Variants in NTM observed in about 807,000 individuals in gnomAD.
NTM encodes neurotrimin.
Under a neutral mutation model 42.1 loss-of-function variants are expected in NTM, and 13 were observed. That is an observed-to-expected ratio of 0.31 (90% CI 0.20 to 0.49). The LOEUF is 0.49. Among genes scored for constraint, NTM ranks in the 20% least tolerant of loss-of-function variants. NTM has a pLI of 0.99. For missense variants in NTM, 373 were observed against 452.8 expected (o/e 0.82, Z 1.60); for synonymous variants, 187 against 179.2 (o/e 1.04, Z -0.35).
intron 2 of NTM, among the ~76,000 whole-genome samples, chr11:132,011,426 A>G (rs1043876725): frequency 1.3e-5 from 2 of 152,200 alleles, no homozygotes; most frequent in African/African-American, 4.8e-5. Flanking sequence ...AGCGGAGTCA[A>G]TAAAGTCAGT....
At chr11:131,586,460 T>C (rs1014323740) in intron 1 of NTM, among the ~76,000 whole-genome samples, 2 of 152,170 alleles carry the variant, frequency 1.3e-5, no homozygotes, top group South Asian at 4.1e-4. Flanking sequence ...CCAGCTGCCA[T>C]GTTGTGAGGA....
chr11:132,001,661 C>A (rs2069271773), intron 2 of NTM, among the ~76,000 whole-genome samples: 1 of 152,084 alleles, frequency 6.6e-6, no homozygotes, highest in Non-Finnish European at 1.5e-5. Flanking sequence ...GGATCTCCCC[C>A]CATTACCCAA....
chr11:131,373,592 C>T (rs1358525225), intron 1 of NTM, among the ~76,000 whole-genome samples: 3 of 151,906 alleles, frequency 2.0e-5, no homozygotes, highest in African/African-American at 7.3e-5. Context: ...GTGGAGGCAT[C>T]TCGTTGCCGG....
intron 4 of NTM, among the ~76,000 whole-genome samples, chr11:132,230,346 A>AT (rs1477955474): frequency 6.6e-6 from 1 of 152,232 alleles, no homozygotes; most frequent in Non-Finnish European, 1.5e-5. Context: ...TAATAATGTC[A>AT]TATTATTATC....
intron 2 of NTM, among the ~76,000 whole-genome samples, chr11:132,008,932 A>G (rs1248051976): frequency 2.6e-5 from 4 of 151,034 alleles, no homozygotes; most frequent in Admixed American, 1.3e-4. Context: ...AGAGCGAATG[A>G]AGGTAACAAA....
chr11:131,371,108 G>A, intron 1 of NTM: 1 of 985,344 alleles, frequency 1.0e-6, no homozygotes, highest in Non-Finnish European at 1.2e-6. Context: ...ATGTGCATAA[G>A]TAAAATGTGT....
chr11:132,093,151 A>G (rs972681827), intron 2 of NTM, among the ~76,000 whole-genome samples: 1 of 152,190 alleles, frequency 6.6e-6, no homozygotes, highest in Non-Finnish European at 1.5e-5. Flanking sequence ...CTGATGTCTT[A>G]CATGTTTCAT....
intron 1 of NTM, among the ~76,000 whole-genome samples, chr11:131,575,529 C>A (rs766445350): frequency 1.3e-5 from 2 of 152,166 alleles, no homozygotes; most frequent in Non-Finnish European, 2.9e-5. Context: ...AACTGAGGAG[C>A]ATAGTTAATG....
intron 1 of NTM, among the ~76,000 whole-genome samples, chr11:131,834,413 T>G (rs372881918): frequency 8.6e-5 from 13 of 152,038 alleles, no homozygotes; most frequent in African/African-American, 3.1e-4. Flanking sequence ...AATAAGTGTT[T>G]ACTGAATTGT....
chr11:132,317,884 C>T (rs1276296697), intron 7 of NTM, among the ~76,000 whole-genome samples: 3 of 152,120 alleles, frequency 2.0e-5, no homozygotes, highest in Admixed American at 6.5e-5. Flanking sequence ...CTTGCTCTCA[C>T]TCCCCCAGGA....
At chr11:131,525,398 A>C (rs2050332737) in intron 1 of NTM, among the ~76,000 whole-genome samples, 1 of 152,226 alleles carries the variant, frequency 6.6e-6, no homozygotes, top group African/African-American at 2.4e-5. Context: ...AAGGGTTTGC[A>C]GGCGAGACAA....
intron 1 of NTM, among the ~76,000 whole-genome samples, chr11:131,690,958 A>C (rs544370566): frequency 1.1e-4 from 16 of 152,226 alleles, no homozygotes; most frequent in South Asian, 4.1e-4. Flanking sequence ...GGAGAAGGGG[A>C]AATCCTCAGC....
At chr11:131,916,737 C>T (rs1429151236) in intron 2 of NTM, among the ~76,000 whole-genome samples, 2 of 152,224 alleles carry the variant, frequency 1.3e-5, no homozygotes, top group African/African-American at 2.4e-5. Context: ...TCCAGGCTTG[C>T]CTCCTAATCC....
intron 3 of NTM, among the ~76,000 whole-genome samples, chr11:132,152,932 C>T (rs1477338059): frequency 6.6e-6 from 1 of 152,092 alleles, no homozygotes; most frequent in Non-Finnish European, 1.5e-5. Flanking sequence ...GAAAACTTGG[C>T]GTCTTTTGCA....
intron 1 of NTM, among the ~76,000 whole-genome samples, chr11:131,621,406 T>C (rs2137655371): frequency 6.6e-6 from 1 of 152,234 alleles, no homozygotes; most frequent in Non-Finnish European, 1.5e-5. Context: ...GGAGAAAGCT[T>C]TGTCTGTATG....
chr11:131,484,571 C>A (rs1953955893), intron 1 of NTM, among the ~76,000 whole-genome samples: 1 of 152,116 alleles, frequency 6.6e-6, no homozygotes, highest in Non-Finnish European at 1.5e-5. Flanking sequence ...GCATTTGGCC[C>A]TTCCTTAGTC....
intron 1 of NTM, among the ~76,000 whole-genome samples, chr11:131,760,579 G>A (rs764513200): frequency 3.9e-5 from 6 of 152,160 alleles, no homozygotes; most frequent in Non-Finnish European, 8.8e-5. Flanking sequence ...ACGTTAGTCA[G>A]GGGAAGCATC....
At chr11:132,123,837 T>C (rs757694118) in intron 2 of NTM, among the ~76,000 whole-genome samples, 50 of 152,220 alleles carry the variant, frequency 3.3e-4, no homozygotes, top group Non-Finnish European at 5.3e-4. Context: ...GTGCACAGCC[T>C]TCCCCCAGAT....
chr11:132,055,748 A>G (rs967547875), intron 2 of NTM, among the ~76,000 whole-genome samples: 2 of 152,130 alleles, frequency 1.3e-5, no homozygotes, highest in African/African-American at 2.4e-5. Context: ...GTGTGCACAT[A>G]AGACCTAGGA....
Sources: gnomAD v4.1 joint callset for allele counts (sites outside exome capture counted in the v4.1 genomes callset) on GRCh38, gnomAD v4.1.1 for gene constraint, MANE v1.5 for transcripts, NCBI Gene and HGNC (gene_info 2026-07-23, HGNC 2026-07-21) for gene names.